Variants in RFTN1 observed in about 807,000 individuals in gnomAD.
The protein encoded by RFTN1 is raftlin.
In RFTN1, 26 loss-of-function variants were observed where a neutral mutation model predicts 46.5. That is an observed-to-expected ratio of 0.56 (90% CI 0.41 to 0.78). RFTN1 has a LOEUF of 0.78. Among genes scored for constraint, RFTN1 ranks in the 30% least tolerant of loss-of-function variants. The pLI is 0.00. For missense variants in RFTN1, 693 were observed against 718.7 expected, an observed-to-expected ratio of 0.96 and a Z score of 0.41; for synonymous variants, 261 against 284.2, an observed-to-expected ratio of 0.92 and a Z score of 0.82.
chr3:16,506,486 G>A lies in RFTN1; in HGVS notation c.-9+6956C>T, dbSNP rs1431235353. Among the ~76,000 whole-genome samples, 1 of 152,114 alleles carries A rather than the reference G, an allele frequency of 6.6e-6. No individual in the cohort carries two copies. Among genetic ancestry groups the A allele is most frequent in the Non-Finnish European group, 1.5e-5 (1 of 68,006 alleles). ...CCCAGATGACAGTAAGTAGAGGTGT[G>A]AGCAGTGGTCAAATTCTGTATATGT... On this transcript the variant is annotated intron_variant, in intron 1 of 9. Coordinates refer to ENST00000334133, the MANE Select transcript of RFTN1 (RefSeq NM_015150.2). The surrounding 1 kb of genome is among the most constrained non-coding windows in gnomAD (Gnocchi z 4.8).
Position 16,433,959 on chromosome 3 carries a change from T to C in RFTN1, c.224A>G (p.Gln75Arg). The change falls in exon 3 of 10, where the codon CAG becomes CGG. Residue 75 changes from glutamine (Q) to arginine (R), a missense_variant. Physicochemically the swap from Gln to Arg is conservative, Grantham distance 43. Transcript: ENST00000334133. This position sits in a 1 kb window ranked among gnomAD's most constrained non-coding sequence, Gnocchi z 4.4. Reference protein sequence around the residue: ...LPAQLLELYQQGFSLAALHPF... With the variant: ...LPAQLLELYQRGFSLAALHPF... ...GTGCAGGGCCGCCAGCGAGAAGCCC[T>C]GCTGGTACAGCTCCAGGAGCTGGGC... 1 of 1,614,078 alleles carries C rather than the reference T, an allele frequency of 6.2e-7. No homozygotes were observed. Among genetic ancestry groups the C allele is most frequent in the Non-Finnish European group, 8.5e-7 (1 of 1,180,008 alleles).
In RFTN1 at chr3:16,391,858, G is replaced by GTTT. The variant is rs1272551461; in HGVS notation, c.442-13759_442-13757dup. 9.8e-3 allele frequency among the ~76,000 whole-genome samples: 480 copies of GTTT among 49,122 alleles called. 103 individuals are homozygous for GTTT. Among genetic ancestry groups the GTTT allele is most frequent in the East Asian group, 0.05 (32 of 638 alleles). 32.2% of individuals were successfully genotyped at this position (49,122 alleles called of 152,430 possible). A position where few individuals can be genotyped will look rare whatever the true frequency, so the allele number is the denominator to read the frequency against. ...TAGAGATTATCATTCTAGTGCAAAG[G>GTTT]TTTTTTTTTTGTTTTTTTTTTTTGT... On this transcript the variant is annotated intron_variant, in intron 4 of 9. Coordinates refer to ENST00000334133, the MANE Select transcript of RFTN1 (RefSeq NM_015150.2).
In RFTN1 at chr3:16,459,295, A is replaced by G. The variant is rs1156500245; in HGVS notation, c.146-25258T>C. The stretch of plus-strand genomic sequence containing the variant: ...CAGAAAGGACTAAGTAATATCCACA[A>G]TGTGTAACAGACACCTAAACTCTTA... On this transcript the variant is annotated intron_variant, in intron 2 of 9. Coordinates refer to ENST00000334133, the MANE Select transcript of RFTN1 (RefSeq NM_015150.2). The surrounding 1 kb of genome is among the most constrained non-coding windows in gnomAD (Gnocchi z 4.2). 3.3e-5 allele frequency among the ~76,000 whole-genome samples: 5 copies of G among 152,190 alleles called. No individual in the cohort carries two copies. Among genetic ancestry groups the G allele is most frequent in the Non-Finnish European group, 7.3e-5 (5 of 68,034 alleles).
chr3:16,363,452 C>A (rs2072957854), intron 6 of RFTN1, among the ~76,000 whole-genome samples: 1 of 152,180 alleles, frequency 6.6e-6, no homozygotes, highest in Non-Finnish European at 1.5e-5. Context: ...GGTCTTTTGG[C>A]AAAAGGCCAC....
rs569426972 is a variant in RFTN1 at position 16,469,524 on chromosome 3, G to A, written c.145+24201C>T. On this transcript the variant is annotated intron_variant, in intron 2 of 9. Coordinates refer to ENST00000334133, the MANE Select transcript of RFTN1 (RefSeq NM_015150.2). ...AGAGACAGTGCAAAGGCAGGTGCAC[G>A]ACCTTCCACAGATGCCTGGTGCAGG... 1.7e-4 allele frequency among the ~76,000 whole-genome samples: 26 copies of A among 152,350 alleles called. No individual in the cohort carries two copies. The South Asian group carries it at 2.7e-3, about 16-fold the overall frequency.
rs779341308 is a variant in RFTN1 at position 16,338,528 on chromosome 3, AG to A, written c.1147-11653del. Among the ~76,000 whole-genome samples, 2 of 152,242 alleles carry A rather than the reference AG, an allele frequency of 1.3e-5. No individual in the cohort carries two copies. Among genetic ancestry groups the A allele is most frequent in the Non-Finnish European group, 2.9e-5 (2 of 68,044 alleles). On this transcript the variant is annotated intron_variant, in intron 7 of 9. Coordinates refer to ENST00000334133, the MANE Select transcript of RFTN1 (RefSeq NM_015150.2). The surrounding 1 kb of genome is among the most constrained non-coding windows in gnomAD (Gnocchi z 5.3). Reference sequence around the variant, plus strand: ...AACACACATTGAGTGCTTCAGGGTGAGGGGGTCCTCCCAGGCCAACTTAGAA... The same window carrying A: ...AACACACATTGAGTGCTTCAGGGTGAGGGGTCCTCCCAGGCCAACTTAGAA...
Position 16,361,334 on chromosome 3 carries a change from A to C in RFTN1, c.1031-3287T>G, listed in dbSNP as rs1575125009. Reference sequence around the variant, plus strand: ...TTATGTGCCAAGTAGTCCTGTAGTCACTAGAGATCTCACAAGCAGCAAGAT... The same window carrying C: ...TTATGTGCCAAGTAGTCCTGTAGTCCCTAGAGATCTCACAAGCAGCAAGAT... On this transcript the variant is annotated intron_variant, in intron 6 of 9. Coordinates refer to ENST00000334133, the MANE Select transcript of RFTN1 (RefSeq NM_015150.2). The surrounding 1 kb of genome is among the most constrained non-coding windows in gnomAD (Gnocchi z 4.3). Among the ~76,000 whole-genome samples, 1 of 152,274 alleles carries C rather than the reference A, an allele frequency of 6.6e-6. No individual in the cohort carries two copies. Among genetic ancestry groups the C allele is most frequent in the East Asian group, 1.9e-4 (1 of 5,166 alleles).
rs1234219167 is a variant in RFTN1 at position 16,353,453 on chromosome 3, A to G, written c.1146+4479T>C. The stretch of plus-strand genomic sequence containing the variant: ...CTGTGCTGGTTACAGAGCTGTCTAC[A>G]CTTAGTTCCCCTAAGACAGGGATTC... On this transcript the variant is annotated intron_variant, in intron 7 of 9. Coordinates refer to ENST00000334133, the MANE Select transcript of RFTN1 (RefSeq NM_015150.2). The surrounding 1 kb of genome is among the most constrained non-coding windows in gnomAD (Gnocchi z 5.4). 6.6e-6 allele frequency among the ~76,000 whole-genome samples: 1 copy of G among 152,202 alleles called. No individual in the cohort carries two copies. Among genetic ancestry groups the G allele is most frequent in the Non-Finnish European group, 1.5e-5 (1 of 68,034 alleles).
intron 4 of RFTN1, among the ~76,000 whole-genome samples, chr3:16,390,344 C>T (rs1287793680): frequency 2.0e-5 from 3 of 152,050 alleles, no homozygotes; most frequent in Non-Finnish European, 4.4e-5. Flanking sequence ...GAAATGTAAA[C>T]GAGGATAACA....
chr3:16,316,729 G>C lies in RFTN1; in HGVS notation c.*99C>G, dbSNP rs986836855. On this transcript the variant is annotated 3_prime_UTR_variant, in exon 10 of 10. Transcript: ENST00000334133. The surrounding 1 kb of genome is among the most constrained non-coding windows in gnomAD (Gnocchi z 4.5). ...GAGGTCAAGCCAAGCCAAAGGGTAG[G>C]TAACACACAACACCAGGGAAACCAG... The C allele has an allele frequency of 8.3e-6, 12 of 1,440,244 alleles. No individual in the cohort carries two copies. In the African/African-American group the frequency reaches 1.4e-4, roughly 17 times the overall value. The allele number at this position is 1,440,244 out of a possible 1,614,324, so 89.2% of individuals were successfully genotyped here.
At chr3:16,505,343 C>A (rs2076785648) in intron 1 of RFTN1, among the ~76,000 whole-genome samples, 1 of 152,178 alleles carries the variant, frequency 6.6e-6, no homozygotes, top group Non-Finnish European at 1.5e-5. Context: ...AGGCACCACC[C>A]TTTTCCTCCA....
Position 16,410,218 on chromosome 3 carries a change from C to T in RFTN1, c.333-735G>A, listed in dbSNP as rs1190377529. Among the ~76,000 whole-genome samples the T allele has an allele frequency of 3.0e-3, 117 of 39,502 alleles. No individual in the cohort carries two copies. The highest frequency in any genetic ancestry group is 8.6e-3 in the African/African-American group (112 of 12,954). 25.9% of individuals were successfully genotyped at this position (39,502 alleles called of 152,430 possible). A position where few individuals can be genotyped will look rare whatever the true frequency, so the allele number is the denominator to read the frequency against. On this transcript the variant is annotated intron_variant, in intron 3 of 9. Coordinates refer to ENST00000334133, the MANE Select transcript of RFTN1 (RefSeq NM_015150.2). This position sits in a 1 kb window ranked among gnomAD's most constrained non-coding sequence, Gnocchi z 4.6. ...CAATACAGCTTACATGTTATACACA[C>T]ACACACACACACACACACACACACA...
rs145338863 is a variant in RFTN1 at position 16,335,205 on chromosome 3, A to G, written c.1147-8329T>C. 3.4e-3 allele frequency among the ~76,000 whole-genome samples: 523 copies of G among 152,310 alleles called. 4 individuals carry two copies. The highest frequency in any genetic ancestry group is 0.012 in the African/African-American group (503 of 41,568). The stretch of plus-strand genomic sequence containing the variant: ...AGCTCAGGGCCAGGAAAAGGCTGGG[A>G]TGGGGATAAACACTTGGAGGTGCTG... On this transcript the variant is annotated intron_variant, in intron 7 of 9. Transcript: ENST00000334133. The surrounding 1 kb of genome is among the most constrained non-coding windows in gnomAD (Gnocchi z 4.7).
Position 16,512,095 on chromosome 3 carries a change from G to A in RFTN1, c.-9+1347C>T, listed in dbSNP as rs2125019964. On this transcript the variant is annotated intron_variant, in intron 1 of 9. Transcript: ENST00000334133. This position sits in a 1 kb window ranked among gnomAD's most constrained non-coding sequence, Gnocchi z 4.3. The stretch of plus-strand genomic sequence containing the variant: ...CACACGCACCAAAGAGTCCCAAACA[G>A]CTTGCTTCGTAACCCCTCTCTGGGG... Among the ~76,000 whole-genome samples, 1 of 152,250 alleles carries A rather than the reference G, an allele frequency of 6.6e-6. No homozygotes were observed. The highest frequency in any genetic ancestry group is 1.9e-4 in the East Asian group (1 of 5,168).
At chr3:16,508,704 A>G (rs980247468) in intron 1 of RFTN1, among the ~76,000 whole-genome samples, 2 of 152,010 alleles carry the variant, frequency 1.3e-5, no homozygotes, top group African/African-American at 4.8e-5. Flanking sequence ...ACGCACACAC[A>G]CACACACACA....
Position 16,459,743 on chromosome 3 carries a change from A to G in RFTN1, c.146-25706T>C, listed in dbSNP as rs577972975. On this transcript the variant is annotated intron_variant, in intron 2 of 9. Transcript: ENST00000334133. This position sits in a 1 kb window ranked among gnomAD's most constrained non-coding sequence, Gnocchi z 4.2. ...AAGCCATCACTTATATCTAGTCAAT[A>G]TCATCATGTTATAGAAAAAAGTTGA... 6.6e-6 allele frequency among the ~76,000 whole-genome samples: 1 copy of G among 152,310 alleles called. No individual in the cohort carries two copies. The highest frequency in any genetic ancestry group is 1.5e-5 in the Non-Finnish European group (1 of 68,020).
At chr3:16,487,315 G>C (rs923439851) in intron 2 of RFTN1, among the ~76,000 whole-genome samples, 1 of 152,178 alleles carries the variant, frequency 6.6e-6, no homozygotes, top group South Asian at 2.1e-4. Flanking sequence ...ATGAACCTAA[G>C]GGCAAATCTT....
intron 3 of RFTN1, among the ~76,000 whole-genome samples, chr3:16,417,187 T>G (rs1270484595): frequency 6.6e-6 from 1 of 151,748 alleles, no homozygotes; most frequent in Non-Finnish European, 1.5e-5. Context: ...TTTTTTTTTT[T>G]TTGAATTTTA....
chr3:16,377,117 A>G (rs2073804630), intron 5 of RFTN1, among the ~76,000 whole-genome samples: 1 of 152,246 alleles, frequency 6.6e-6, no homozygotes, highest in Middle Eastern at 3.4e-3. Flanking sequence ...AAGGAAATAC[A>G]GAGAAACGGA....
Sources: gnomAD v4.1 joint callset for allele counts (sites outside exome capture counted in the v4.1 genomes callset) on GRCh38, gnomAD v4.1.1 for gene constraint, Gnocchi (gnomAD v3.1) non-coding constraint, MANE v1.5 for transcripts, NCBI Gene and HGNC (gene_info 2026-07-23, HGNC 2026-07-21) for gene names.